ZNF33A: variants seen among roughly 807,000 people sequenced by gnomAD.
ZNF33A encodes the protein brain my041 protein.
Under a neutral mutation model 15.9 loss-of-function variants are expected in ZNF33A, and 9 were observed. That is an observed-to-expected ratio of 0.57 (90% CI 0.34 to 0.99). The LOEUF is 0.99. Ranked by LOEUF, ZNF33A falls within the 50% of genes least tolerant of loss-of-function variation. ZNF33A has a pLI of 0.02. For missense variants in ZNF33A, 843 were observed against 941.6 expected (o/e 0.90, Z 1.37); for synonymous variants, 294 against 324.2 (o/e 0.91, Z 1.00).
chr10:38,044,042 T>C (rs2065835563), intron 4 of ZNF33A: 1 of 152,124 alleles, frequency 6.6e-6, no homozygotes, highest in East Asian at 1.9e-4. Context: ...GGTACTTCTG[T>C]TATGAATATA....
At chr10:38,028,906 A>G (rs1166007322) in intron 4 of ZNF33A, among the ~76,000 whole-genome samples, 1 of 152,152 alleles carries the variant, frequency 6.6e-6, no homozygotes, top group Non-Finnish European at 1.5e-5. Context: ...ATCTAGTTTA[A>G]ATTAATTCCC....
chr10:38,052,609 C>T (rs1222564120), intron 4 of ZNF33A, among the ~76,000 whole-genome samples: 3 of 152,018 alleles, frequency 2.0e-5, no homozygotes, highest in Admixed American at 6.6e-5. Context: ...TAATTCTAAA[C>T]TTTATGTGGA....
downstream of ZNF33A, among the ~76,000 whole-genome samples, chr10:38,067,503 G>C: frequency 6.6e-6 from 1 of 152,192 alleles, no homozygotes; most frequent in Admixed American, 6.5e-5. Context: ...GCCTGGTTTA[G>C]AGAAATGGGT....
downstream of ZNF33A, among the ~76,000 whole-genome samples, chr10:38,063,501 A>G (rs1264846078): frequency 6.6e-6 from 1 of 150,804 alleles, no homozygotes; most frequent in Non-Finnish European, 1.5e-5. Flanking sequence ...GAAGATGAAC[A>G]TCCTGCTTTG....
Position 38,050,572 on chromosome 10 carries a change from G to A in ZNF33A, c.251-3803G>A, listed in dbSNP as rs148770219. On this transcript the variant is annotated intron_variant, in intron 4 of 4. Coordinates refer to ENST00000432900, the MANE Select transcript of ZNF33A (RefSeq NM_006954.2). ...GTAGACAGGATACTTGAGAGGCACTGCCCTACTAAGCTGTTGGTCTGTGTA... is the reference window on the plus strand; with the variant it reads ...GTAGACAGGATACTTGAGAGGCACTACCCTACTAAGCTGTTGGTCTGTGTA... Among the ~76,000 whole-genome samples the A allele has an allele frequency of 8.3e-4, 127 of 152,326 alleles. 3 individuals carry two copies. In the South Asian group the frequency reaches 0.019, roughly 22 times the overall value.
At chr10:38,066,145 C>G (rs1374344926), downstream of ZNF33A, among the ~76,000 whole-genome samples, 1 of 152,180 alleles carries the variant, frequency 6.6e-6, no homozygotes, top group Non-Finnish European at 1.5e-5. Context: ...ATATAAAACC[C>G]TGACCATAGG....
intron 4 of ZNF33A, among the ~76,000 whole-genome samples, chr10:38,045,672 T>C (rs1287740215): frequency 2.6e-5 from 4 of 152,226 alleles, no homozygotes; most frequent in African/African-American, 9.6e-5. Flanking sequence ...AGCCATCTCT[T>C]TCCCTTGCTC....
intron 4 of ZNF33A, among the ~76,000 whole-genome samples, chr10:38,044,268 C>G (rs1232686756): frequency 6.8e-6 from 1 of 148,146 alleles, no homozygotes; most frequent in Admixed American, 6.9e-5. Context: ...AGTGCAATGG[C>G]ACTATCTCAG....
At chr10:38,023,348 A>G (rs1043667312) in intron 4 of ZNF33A, among the ~76,000 whole-genome samples, 1 of 152,240 alleles carries the variant, frequency 6.6e-6, no homozygotes, top group African/African-American at 2.4e-5. Context: ...TCATAAATTT[A>G]GTAGCAAAAA....
At chr10:38,014,793 A>G (rs1294684202) in intron 2 of ZNF33A, among the ~76,000 whole-genome samples, 1 of 152,188 alleles carries the variant, frequency 6.6e-6, no homozygotes, top group Non-Finnish European at 1.5e-5. Flanking sequence ...AGTTCCTTGC[A>G]TTTCCATACA....
At chr10:38,067,435 G>A (rs2066718590), downstream of ZNF33A, among the ~76,000 whole-genome samples, 1 of 152,202 alleles carries the variant, frequency 6.6e-6, no homozygotes, top group African/African-American at 2.4e-5. Flanking sequence ...AATGCTTGAA[G>A]GGCATCCTTT....
intron 4 of ZNF33A, among the ~76,000 whole-genome samples, chr10:38,042,374 G>T (rs1168940161): frequency 1.3e-5 from 2 of 151,944 alleles, no homozygotes; most frequent in East Asian, 1.9e-4. Flanking sequence ...TAGAGATGGG[G>T]TTTTGCCATG....
At chr10:38,020,463 T>C (rs1240935954) in intron 4 of ZNF33A, among the ~76,000 whole-genome samples, 2 of 152,164 alleles carry the variant, frequency 1.3e-5, no homozygotes, top group African/African-American at 4.8e-5. Context: ...CTAAAGGTTT[T>C]TTTCTACCCT....
rs1015102375 is a variant in ZNF33A at position 38,054,247 on chromosome 10, A to G, written c.251-128A>G. ...GAAATACAAAAAATATGCACTTGCAATTATGTTCATCTCTGGAAACTGGCC... is the reference window on the plus strand; with the variant it reads ...GAAATACAAAAAATATGCACTTGCAGTTATGTTCATCTCTGGAAACTGGCC... On this transcript the variant is annotated intron_variant, in intron 4 of 4. Coordinates refer to ENST00000432900, the MANE Select transcript of ZNF33A (RefSeq NM_006954.2). 5 of 991,984 alleles carry G rather than the reference A, an allele frequency of 5.0e-6. No homozygotes were observed. In the African/African-American group the frequency reaches 5.1e-5, roughly 10 times the overall value. 61.4% of individuals were successfully genotyped at this position (991,984 alleles called of 1,614,324 possible).
chr10:38,065,404 T>C (rs542512676), downstream of ZNF33A, among the ~76,000 whole-genome samples: 10 of 152,328 alleles, frequency 6.6e-5, no homozygotes, highest in East Asian at 1.7e-3. Flanking sequence ...TAGTGTTTCA[T>C]GTGGGGACTT....
At chr10:38,044,858 G>C (rs2065883545) in intron 4 of ZNF33A, among the ~76,000 whole-genome samples, 1 of 151,792 alleles carries the variant, frequency 6.6e-6, no homozygotes, top group South Asian at 2.1e-4. Flanking sequence ...AGTAGAGACG[G>C]GGTTTCACCA....
chr10:38,037,871 A>C (rs754892991), intron 4 of ZNF33A, among the ~76,000 whole-genome samples: 8 of 152,156 alleles, frequency 5.3e-5, no homozygotes, highest in Non-Finnish European at 1.0e-4. Context: ...AAATTTCCAC[A>C]TGAAATTTTA....
Position 38,056,706 on chromosome 10 carries a change from T to G in ZNF33A, c.*146T>G. ...ATACGGGCATAACACCTTACAGATT[T>G]TTTTTGAATTTGTGAAAGTTTTTGG... On this transcript the variant is annotated 3_prime_UTR_variant, in exon 5 of 5. Transcript: ENST00000432900. 8.0e-7 allele frequency: 1 copy of G among 1,253,046 alleles called. No homozygotes were observed. Among genetic ancestry groups the G allele is most frequent in the South Asian group, 3.7e-5 (1 of 27,154 alleles). The allele number at this position is 1,253,046 out of a possible 1,614,324, so 77.6% of individuals were successfully genotyped here.
chr10:38,046,486 A>G (rs986113057), intron 4 of ZNF33A, among the ~76,000 whole-genome samples: 4 of 152,176 alleles, frequency 2.6e-5, no homozygotes, highest in African/African-American at 7.2e-5. Context: ...AAGAAATCAT[A>G]AAAGCAAGAC....
Sources: gnomAD v4.1 joint callset for allele counts (sites outside exome capture counted in the v4.1 genomes callset) on GRCh38, gnomAD v4.1.1 for gene constraint, MANE v1.5 for transcripts, NCBI Gene and HGNC (gene_info 2026-07-23, HGNC 2026-07-21) for gene names.